Variants in ZNRF1 observed in about 807,000 individuals in gnomAD.
ZNRF1 encodes the protein E3 ubiquitin-protein ligase ZNRF1.
Under a neutral mutation model 18.4 loss-of-function variants are expected in ZNRF1, and 3 were observed. The ratio of observed to expected loss-of-function variants is 0.16; its 90% CI spans 0.07 to 0.42. The LOEUF (loss-of-function observed/expected upper bound fraction) is 0.42. Ranked by LOEUF, ZNRF1 falls within the 10% of genes least tolerant of loss-of-function variation. The pLI is 0.99. For missense variants in ZNRF1, 310 were observed against 329.8 expected, an observed-to-expected ratio of 0.94 and a Z score of 0.47; for synonymous variants, 157 against 144.2, an observed-to-expected ratio of 1.09 and a Z score of -0.64.
intron 1 of ZNRF1, among the ~76,000 whole-genome samples, chr16:75,049,054 G>A (rs2035554615): frequency 6.6e-6 from 1 of 151,164 alleles, no homozygotes; most frequent in East Asian, 1.9e-4. Flanking sequence ...ACCCAGGCTG[G>A]AATGCAATGG....
chr16:75,012,697 G>A (rs1304719581), intron 1 of ZNRF1, among the ~76,000 whole-genome samples: 5 of 152,164 alleles, frequency 3.3e-5, no homozygotes, highest in Non-Finnish European at 7.3e-5. Context: ...AACCTAGCGT[G>A]AGTTTTAGCT....
intron 1 of ZNRF1, among the ~76,000 whole-genome samples, chr16:75,018,694 T>C (rs1203790088): frequency 3.9e-5 from 6 of 152,212 alleles, no homozygotes; most frequent in Non-Finnish European, 8.8e-5. Context: ...TGAATTATGT[T>C]AATAGATTTT....
chr16:75,092,217 G>A (rs1174069582), intron 1 of ZNRF1, among the ~76,000 whole-genome samples: 1 of 152,180 alleles, frequency 6.6e-6, no homozygotes, highest in African/African-American at 2.4e-5. Context: ...AAGTGGAAGT[G>A]GATCGTCATA....
At chr16:75,073,905 A>G (rs2035905218) in intron 1 of ZNRF1, among the ~76,000 whole-genome samples, 1 of 152,118 alleles carries the variant, frequency 6.6e-6, no homozygotes, top group Admixed American at 6.5e-5. Context: ...GAGGACTCAG[A>G]AAACATGATT....
intron 1 of ZNRF1, among the ~76,000 whole-genome samples, chr16:75,069,046 A>G (rs541305498): frequency 6.6e-6 from 1 of 152,070 alleles, no homozygotes; most frequent in Non-Finnish European, 1.5e-5. Context: ...AAGTCAGAAA[A>G]ATGGTACTTT....
intron 1 of ZNRF1, among the ~76,000 whole-genome samples, chr16:75,087,994 G>A (rs1331466294): frequency 6.6e-6 from 1 of 152,250 alleles, no homozygotes; most frequent in African/African-American, 2.4e-5. Context: ...CCTGCTCTGA[G>A]TGCTGATGAA....
chr16:75,092,815 G>C (rs1806376235), intron 1 of ZNRF1, among the ~76,000 whole-genome samples: 2 of 152,178 alleles, frequency 1.3e-5, no homozygotes, highest in African/African-American at 4.8e-5. Flanking sequence ...GGCTGAGGCT[G>C]GGAGCTGGGT....
chr16:75,012,418 C>G (rs866231483), intron 1 of ZNRF1, among the ~76,000 whole-genome samples: 16 of 152,262 alleles, frequency 1.1e-4, no homozygotes, highest in East Asian at 3.9e-4. Context: ...GGGGAATTTC[C>G]TTACTGTCTG....
intron 1 of ZNRF1, among the ~76,000 whole-genome samples, chr16:75,073,510 G>T (rs1366232110): frequency 1.3e-5 from 2 of 151,892 alleles, no homozygotes; most frequent in African/African-American, 2.4e-5. Flanking sequence ...TTGGTGTATT[G>T]GTTTAATTTT....
chr16:75,072,479 G>A (rs2035881159), intron 1 of ZNRF1, among the ~76,000 whole-genome samples: 1 of 152,110 alleles, frequency 6.6e-6, no homozygotes, highest in Non-Finnish European at 1.5e-5. Context: ...CAGAGTTTAA[G>A]CTTCAGGAAG....
intron 1 of ZNRF1, among the ~76,000 whole-genome samples, chr16:75,015,921 CTT>C (rs368763105): frequency 4.4e-5 from 6 of 137,370 alleles, no homozygotes; most frequent in Non-Finnish European, 3.1e-5. Context: ...CTTTTCTTTT[CTT>C]TTTTTTTTTT....
intron 1 of ZNRF1, among the ~76,000 whole-genome samples, chr16:75,018,683 T>C (rs1485677653): frequency 1.3e-5 from 2 of 152,236 alleles, no homozygotes; most frequent in African/African-American, 4.8e-5. Flanking sequence ...TGTAAATGAT[T>C]TGAATTATGT....
At chr16:75,051,554 G>A (rs1490448511) in intron 1 of ZNRF1, among the ~76,000 whole-genome samples, 4 of 149,860 alleles carry the variant, frequency 2.7e-5, no homozygotes, top group African/African-American at 9.9e-5. Context: ...GTCTTGCTGT[G>A]TCTCCCAGGC....
At chr16:75,097,125 C>A (rs747091916) in intron 2 of ZNRF1, among the ~76,000 whole-genome samples, 6 of 152,134 alleles carry the variant, frequency 3.9e-5, no homozygotes, top group Non-Finnish European at 8.8e-5. Flanking sequence ...CTTTTAATTT[C>A]TCTCCCTTTC....
At chr16:75,064,947 T>C (rs1265169225) in intron 1 of ZNRF1, among the ~76,000 whole-genome samples, 1 of 152,192 alleles carries the variant, frequency 6.6e-6, no homozygotes, top group Non-Finnish European at 1.5e-5. Context: ...CCCAGCAAAC[T>C]GGCAGGTGCA....
At chr16:75,052,775 G>A (rs940759169) in intron 1 of ZNRF1, among the ~76,000 whole-genome samples, 1 of 152,204 alleles carries the variant, frequency 6.6e-6, no homozygotes, top group African/African-American at 2.4e-5. Context: ...ATCACAGACT[G>A]TCTATACAGC....
chr16:75,002,830 A>G (rs1428959593), intron 1 of ZNRF1, among the ~76,000 whole-genome samples: 2 of 152,094 alleles, frequency 1.3e-5, no homozygotes, highest in Non-Finnish European at 2.9e-5. Flanking sequence ...ACCATTCCCT[A>G]ATCCTAGAGT....
chr16:75,053,820 A>G (rs1700152975), intron 1 of ZNRF1, among the ~76,000 whole-genome samples: 1 of 152,120 alleles, frequency 6.6e-6, no homozygotes, highest in Non-Finnish European at 1.5e-5. Context: ...GAAAGTCTAG[A>G]CTTTAGAAAA....
chr16:75,012,338 T>G (rs1274207315), intron 1 of ZNRF1, among the ~76,000 whole-genome samples: 1 of 152,176 alleles, frequency 6.6e-6, no homozygotes, highest in Non-Finnish European at 1.5e-5. Context: ...AGAAGCCATT[T>G]ATAGGCAGAA....
Sources: gnomAD v4.1 joint callset for allele counts (sites outside exome capture counted in the v4.1 genomes callset) on GRCh38, gnomAD v4.1.1 for gene constraint, MANE v1.5 for transcripts, NCBI Gene and HGNC (gene_info 2026-07-23, HGNC 2026-07-21) for gene names.